Variants in RRP12 observed in about 807,000 individuals in gnomAD.
The protein encoded by RRP12 is ribosomal RNA processing 12 homolog, also known as RRP12-like protein.
A neutral mutation model predicts 157.3 loss-of-function variants in RRP12; 78 were observed. The ratio of observed to expected loss-of-function variants is 0.50; its 90% CI spans 0.41 to 0.60. RRP12 has a LOEUF of 0.60. Ranked by LOEUF, RRP12 falls within the 20% of genes least tolerant of loss-of-function variation. The pLI, the probability that RRP12 is intolerant of heterozygous loss-of-function variation, is 0.00. For missense variants in RRP12, 1,521 were observed against 1,679.9 expected (o/e 0.91, Z 1.65); for synonymous variants, 726 against 670.9 (o/e 1.08, Z -1.27).
intron 33 of RRP12, among the ~76,000 whole-genome samples, chr10:97,358,109 C>A (rs908682762): frequency 6.6e-6 from 1 of 152,032 alleles, no homozygotes; most frequent in African/African-American, 2.4e-5. Context: ...CTGAGGCATG[C>A]AGATCATGAG....
At chr10:97,396,396 T>C in intron 2 of RRP12, 95 bp from the exon 3 acceptor site, 1 of 973,026 alleles carries the variant, frequency 1.0e-6, no homozygotes, top group South Asian at 1.3e-5. Context: ...TAATCTCTGG[T>C]TAAAGCCCAG....
chr10:97,384,429 A>AAG (rs1844559224), intron 10 of RRP12, among the ~76,000 whole-genome samples: 1 of 140,580 alleles, frequency 7.1e-6, no homozygotes, highest in Non-Finnish European at 1.6e-5. Flanking sequence ...CCAGGATGGT[A>AAG]GCCCTGAGGA....
At chr10:97,383,662 G>A (rs1490322851) in intron 10 of RRP12, among the ~76,000 whole-genome samples, 1 of 152,236 alleles carries the variant, frequency 6.6e-6, no homozygotes, top group Non-Finnish European at 1.5e-5. Flanking sequence ...ACTATTAAGT[G>A]GCCAAGCCTG....
chr10:97,370,111 T>G (rs989863994), intron 24 of RRP12, 56 bp downstream of exon 24: 2 of 1,235,390 alleles, frequency 1.6e-6, no homozygotes, highest in African/African-American at 3.0e-5. Context: ...TCCTGACCTT[T>G]TGGGCATCTT....
rs1175822527 is a variant in RRP12, at chr10:97,380,880, A to G, written c.1452T>C (p.His484=). ...GCTGCAACACGGAGCTCCAGGCCGCATGGAATTTGTACGTCAGGCCCTCCT... is the reference window on the plus strand; with the variant it reads ...GCTGCAACACGGAGCTCCAGGCCGCGTGGAATTTGTACGTCAGGCCCTCCT... The part of the protein sequence containing the change: ...AVEEGLTYKF[H]AAWSSVLQLL... Residue 484 remains histidine, a synonymous_variant, in exon 13 of 34, where the codon CAT becomes CAC. Coordinates refer to ENST00000370992, the MANE Select transcript of RRP12 (RefSeq NM_015179.4). The G allele has an allele frequency of 1.9e-6, 3 of 1,614,122 alleles. No individual in the cohort carries two copies. Among genetic ancestry groups the G allele is most frequent in the Admixed American group, 1.7e-5 (1 of 60,022 alleles).
intron 2 of RRP12, 101 bp downstream of exon 2, chr10:97,400,204 T>C (rs1589446268): frequency 3.6e-6 from 3 of 843,176 alleles, no homozygotes; most frequent in Non-Finnish European, 5.9e-6. Context: ...CATCCAGAAA[T>C]ACCAGCTGTT....
At chr10:97,384,263 G>A (rs187506194) in intron 10 of RRP12, among the ~76,000 whole-genome samples, 2 of 146,762 alleles carry the variant, frequency 1.4e-5, no homozygotes, top group Admixed American at 1.4e-4. Context: ...CCCGAACCTT[G>A]GCAGCCAGGA....
chr10:97,367,205 C>T (rs1844014772), intron 25 of RRP12, 73 bp from the exon 26 acceptor site: 2 of 1,302,354 alleles, frequency 1.5e-6, no homozygotes, highest in Non-Finnish European at 2.2e-6. Context: ...CTGTCCAGCC[C>T]AGGGACGCAG....
At chr10:97,376,504 C>T (rs1232821638) in intron 15 of RRP12, among the ~76,000 whole-genome samples, 1 of 152,010 alleles carries the variant, frequency 6.6e-6, no homozygotes, top group African/African-American at 2.4e-5. Flanking sequence ...CGAGCCACTG[C>T]GCTTGGCCTT....
At chr10:97,383,088 C>T (rs1489453444) in intron 10 of RRP12, among the ~76,000 whole-genome samples, 1 of 152,172 alleles carries the variant, frequency 6.6e-6, no homozygotes, top group Admixed American at 6.5e-5. Flanking sequence ...AATGGCTGCA[C>T]AGTACTTCAT....
At chr10:97,394,369 A>G (rs916054105) in intron 3 of RRP12, among the ~76,000 whole-genome samples, 5 of 152,142 alleles carry the variant, frequency 3.3e-5, no homozygotes, top group Non-Finnish European at 5.9e-5. Context: ...TAAACTATAT[A>G]TATGTTTATG....
intron 6 of RRP12, among the ~76,000 whole-genome samples, chr10:97,389,397 G>A (rs1323471517): frequency 2.6e-5 from 4 of 151,972 alleles, no homozygotes; most frequent in African/African-American, 9.7e-5. Context: ...CCAGCCAAGG[G>A]GCTGCTACTT....
chr10:97,360,661 G>T, intron 30 of RRP12, 43 bp from the exon 31 acceptor site: 2 of 1,478,886 alleles, frequency 1.4e-6, no homozygotes, highest in Non-Finnish European at 1.9e-6. Context: ...ACCAGGGGAT[G>T]TGCCCACCCT....
Position 97,367,139 on chromosome 10 carries a change from G to T in RRP12, c.2956-7C>A. On this transcript the variant is annotated splice_polypyrimidine_tract_variant and splice_region_variant and intron_variant, in intron 25 of 33. Coordinates refer to ENST00000370992, the MANE Select transcript of RRP12 (RefSeq NM_015179.4). ...GCTTCCCAATGGCTTCCATCTGCCGGACAGAGCACCAGGCTTTCAGGGAGG... is the reference window on the plus strand; with the variant it reads ...GCTTCCCAATGGCTTCCATCTGCCGTACAGAGCACCAGGCTTTCAGGGAGG... 1 of 1,613,454 alleles carries T rather than the reference G, an allele frequency of 6.2e-7. No individual in the cohort carries two copies. Among genetic ancestry groups the T allele is most frequent in the Non-Finnish European group, 8.5e-7 (1 of 1,179,502 alleles).
chr10:97,396,353 A>G (rs764955938), intron 2 of RRP12, 52 bp from the exon 3 acceptor site: 3 of 1,386,818 alleles, frequency 2.2e-6, no homozygotes, highest in African/African-American at 2.8e-5. Flanking sequence ...ACCCCACCCC[A>G]GGGGAACCTC....
At chr10:97,364,781 G>A (rs925166044) in intron 29 of RRP12, among the ~76,000 whole-genome samples, 5 of 152,150 alleles carry the variant, frequency 3.3e-5, no homozygotes, top group African/African-American at 1.2e-4. Flanking sequence ...GAGTTCTGGG[G>A]GAATCAGGCC....
rs28362479 is a variant in RRP12 at position 97,366,764 on chromosome 10, GCTC to G, written c.3190_3192del (p.Glu1064del). On this transcript the variant is annotated inframe_deletion, in exon 27 of 34. Coordinates refer to ENST00000370992, the MANE Select transcript of RRP12 (RefSeq NM_015179.4). ...CACCTGTCACCTTTGCCCTGGGCGG[GCTC>G]CTCCTCCTCCTCCTCCTCTTCTTCC... 6.5e-4 allele frequency: 1,036 copies of G among 1,586,774 alleles called. 2 individuals carry two copies. The African/African-American group carries it at 7.4e-3, about 11-fold the overall frequency.
chr10:97,383,583 C>G (rs551599115), intron 10 of RRP12, among the ~76,000 whole-genome samples: 1 of 152,250 alleles, frequency 6.6e-6, no homozygotes, highest in Admixed American at 6.5e-5. Context: ...CCTTGCCTCC[C>G]TCCATGCAGG....
chr10:97,371,387 T>G, intron 20 of RRP12: 3 of 387,502 alleles, frequency 7.7e-6, no homozygotes, highest in East Asian at 4.5e-5. Flanking sequence ...CTGCTCTTTC[T>G]AGCCGGAGCA....
Sources: allele counts gnomAD v4.1 joint callset (sites outside exome capture counted in the v4.1 genomes callset), GRCh38; gene constraint gnomAD v4.1.1; transcripts MANE v1.5; gene names NCBI Gene and HGNC (gene_info 2026-07-23, HGNC 2026-07-21).